The following ROR2 variants were observed in gnomAD, a reference collection of about 807,000 sequenced individuals.
ROR2 encodes ROR family WNT receptor 2.
A neutral mutation model predicts 74.9 loss-of-function variants in ROR2; 33 were observed. The observed-to-expected ratio is 0.44, with a 90% CI of 0.33 to 0.59. ROR2 has a LOEUF of 0.59. Ranked by LOEUF, ROR2 falls within the 20% of genes least tolerant of loss-of-function variation. The pLI is 0.02. For missense variants in ROR2, 1,216 were observed against 1,313.8 expected (o/e 0.93, Z 1.15); for synonymous variants, 586 against 558.7 (o/e 1.05, Z -0.69).
At chr9:91,773,277 CG>C (rs755144095) in intron 2 of ROR2, among the ~76,000 whole-genome samples, 16 of 152,204 alleles carry the variant, frequency 1.1e-4, no homozygotes, top group Non-Finnish European at 2.1e-4. Flanking sequence ...GTTGGATTCT[CG>C]GCCGTTAATA....
intron 2 of ROR2, among the ~76,000 whole-genome samples, chr9:91,769,228 A>G (rs1826151857): frequency 6.6e-6 from 1 of 152,068 alleles, no homozygotes; most frequent in Non-Finnish European, 1.5e-5. Context: ...TACCCCTAGC[A>G]ATCCCCAGCC....
intron 1 of ROR2, among the ~76,000 whole-genome samples, chr9:91,862,587 A>G (rs539984355): frequency 2.6e-5 from 4 of 152,118 alleles, no homozygotes; most frequent in Non-Finnish European, 5.9e-5. Flanking sequence ...GCTTGAGCCC[A>G]GGAGTTCAAG....
chr9:91,828,752 T>C (rs934308670), intron 1 of ROR2, among the ~76,000 whole-genome samples: 8 of 152,156 alleles, frequency 5.3e-5, no homozygotes, highest in South Asian at 4.1e-4. Flanking sequence ...CTCTTAAAAA[T>C]AGTAATTGCA....
chr9:91,811,569 A>G (rs1827751650), intron 1 of ROR2, among the ~76,000 whole-genome samples: 1 of 152,200 alleles, frequency 6.6e-6, no homozygotes, highest in Non-Finnish European at 1.5e-5. Flanking sequence ...ATCACCTGCT[A>G]GTGGGCCTTC....
intron 1 of ROR2, among the ~76,000 whole-genome samples, chr9:91,874,311 C>T (rs7026615): frequency 0.074 from 11,194 of 152,266 alleles, 528 homozygotes; most frequent in African/African-American, 0.13. Flanking sequence ...ATTTCTGCCT[C>T]GTGAAAGTGG....
intron 1 of ROR2, among the ~76,000 whole-genome samples, chr9:91,801,086 C>T (rs1385851127): frequency 2.0e-5 from 3 of 152,124 alleles, no homozygotes; most frequent in Non-Finnish European, 4.4e-5. Context: ...CCCCCACTTA[C>T]ATTTTTGCTC....
intron 4 of ROR2, among the ~76,000 whole-genome samples, chr9:91,740,121 G>A (rs1825170080): frequency 6.6e-6 from 1 of 152,262 alleles, no homozygotes; most frequent in Non-Finnish European, 1.5e-5. Flanking sequence ...CTCCCTGGCC[G>A]CTGGTCAGGT....
intron 7 of ROR2, among the ~76,000 whole-genome samples, chr9:91,727,479 A>G (rs1294898647): frequency 6.6e-6 from 1 of 151,760 alleles, no homozygotes; most frequent in East Asian, 1.9e-4. Flanking sequence ...TACAGGGGGC[A>G]CACCAGGCAG....
chr9:91,837,204 T>A (rs1255805344), intron 1 of ROR2, among the ~76,000 whole-genome samples: 1 of 152,200 alleles, frequency 6.6e-6, no homozygotes, highest in Admixed American at 6.5e-5. Context: ...CCCAAGCGAG[T>A]GCAGTGGCGC....
chr9:91,859,840 C>G (rs867306181), intron 1 of ROR2, among the ~76,000 whole-genome samples: 31 of 152,106 alleles, frequency 2.0e-4, no homozygotes, highest in African/African-American at 7.5e-4. Flanking sequence ...AACAAACAAA[C>G]AAACAAAACC....
rs112058068 is a variant in ROR2 at position 91,823,338 on chromosome 9, C to CT, written c.98-47521dup. 1.5e-3 allele frequency among the ~76,000 whole-genome samples: 215 copies of CT among 145,002 alleles called. 1 individual carries two copies. The South Asian group carries it at 0.017, about 11-fold the overall frequency. On this transcript the variant is annotated intron_variant, in intron 1 of 8. Transcript: ENST00000375708. ...CTTATTTTCAAACTGTTCAGCAACA[C>CT]TTTTTTTTTTTTTCAAGACGGAATC...
At chr9:91,801,985 T>C (rs1587732476) in intron 1 of ROR2, among the ~76,000 whole-genome samples, 1 of 151,834 alleles carries the variant, frequency 6.6e-6, no homozygotes. Context: ...TTTGCGTGAC[T>C]GGGCTTAGGA....
chr9:91,902,961 G>A (rs1830713298), intron 1 of ROR2, among the ~76,000 whole-genome samples: 1 of 152,066 alleles, frequency 6.6e-6, no homozygotes, highest in African/African-American at 2.4e-5. Context: ...GGGAGGAGAT[G>A]GGGGAGGCAT....
Position 91,795,768 on chromosome 9 carries a change from TA to T in ROR2, c.98-19951del, listed in dbSNP as rs1379290454. On this transcript the variant is annotated intron_variant, in intron 1 of 8. Coordinates refer to ENST00000375708, the MANE Select transcript of ROR2 (RefSeq NM_004560.4). ...TGATGTGCCTCCTGTTTCTCCAGGC[TA>T]AAGGGAAACTCTCAGCTTGGTATTT... 4.6e-5 allele frequency among the ~76,000 whole-genome samples: 7 copies of T among 152,146 alleles called. No homozygotes were observed. The East Asian group carries it at 1.3e-3, about 29-fold the overall frequency.
intron 1 of ROR2, among the ~76,000 whole-genome samples, chr9:91,914,633 T>TC (rs1166798322): frequency 6.6e-6 from 1 of 152,126 alleles, no homozygotes; most frequent in African/African-American, 2.4e-5. Flanking sequence ...GAGAGGCTTT[T>TC]CCCCAAAACT....
intron 1 of ROR2, among the ~76,000 whole-genome samples, chr9:91,933,896 G>A (rs1261557166): frequency 2.0e-5 from 3 of 152,186 alleles, no homozygotes; most frequent in Admixed American, 2.0e-4. Flanking sequence ...TCCTTTGGGG[G>A]TGATGAAAAT....
chr9:91,894,102 G>T (rs1830484052), intron 1 of ROR2, among the ~76,000 whole-genome samples: 1 of 152,116 alleles, frequency 6.6e-6, no homozygotes. Context: ...CCTTGTGACT[G>T]GTCCCTGCTC....
intron 1 of ROR2, among the ~76,000 whole-genome samples, chr9:91,901,927 G>A (rs1001927728): frequency 2.0e-5 from 3 of 152,148 alleles, no homozygotes; most frequent in Non-Finnish European, 2.9e-5. Flanking sequence ...AGGTGGGGGG[G>A]CCTACCCTCA....
At chr9:91,741,183 C>T (rs1825224157) in intron 4 of ROR2, among the ~76,000 whole-genome samples, 2 of 151,874 alleles carry the variant, frequency 1.3e-5, no homozygotes, top group South Asian at 4.2e-4. Flanking sequence ...ACCTGTAGTC[C>T]CAGCTACTCG....
Sources: gnomAD v4.1 joint callset for allele counts (sites outside exome capture counted in the v4.1 genomes callset) on GRCh38, gnomAD v4.1.1 for gene constraint, MANE v1.5 for transcripts, NCBI Gene and HGNC (gene_info 2026-07-23, HGNC 2026-07-21) for gene names.